Variants in MCC observed in about 807,000 individuals in gnomAD.
The protein encoded by MCC is colorectal mutant cancer protein.
Under a neutral mutation model 116.2 loss-of-function variants are expected in MCC, and 90 were observed. The ratio of observed to expected loss-of-function variants is 0.77; its 90% confidence interval spans 0.65 to 0.92. The LOEUF (loss-of-function observed/expected upper bound fraction) is 0.92. MCC is among the 40% of genes least tolerant of loss of function. The pLI is 0.00. For synonymous variants in MCC, 578 were observed against 510.5 expected (o/e 1.13, Z -1.78); for missense variants, 1,516 against 1,312.2 (o/e 1.16, Z -2.40).
At chr5:113,443,943 C>T (rs1771126210) in intron 1 of MCC, among the ~76,000 whole-genome samples, 1 of 151,952 alleles carries the variant, frequency 6.6e-6, no homozygotes, top group Non-Finnish European at 1.5e-5. Flanking sequence ...AAGCTTCAGC[C>T]TCCCAAGTAG....
chr5:113,252,849 G>C (rs1764853308), intron 3 of MCC, among the ~76,000 whole-genome samples: 1 of 152,118 alleles, frequency 6.6e-6, no homozygotes, highest in Non-Finnish European at 1.5e-5. Context: ...CAACCAAAAT[G>C]ATTTTTCTTA....
chr5:113,365,701 C>T (rs959667647), intron 2 of MCC, among the ~76,000 whole-genome samples: 75 of 152,310 alleles, frequency 4.9e-4, no homozygotes, highest in African/African-American at 1.5e-3. Context: ...TTAACTGGCT[C>T]ATGGTTCCAC....
chr5:113,078,777 C>T (rs900377986), intron 11 of MCC, among the ~76,000 whole-genome samples: 12 of 152,204 alleles, frequency 7.9e-5, no homozygotes, highest in Non-Finnish European at 1.5e-4. Flanking sequence ...CTCACCACTC[C>T]TATTCAACAC....
intron 5 of MCC, among the ~76,000 whole-genome samples, chr5:113,128,514 C>T (rs1280453081): frequency 2.0e-5 from 3 of 152,314 alleles, no homozygotes; most frequent in Admixed American, 6.5e-5. Context: ...ATAAAGTCCT[C>T]GTTCTTTCTT....
intron 6 of MCC, among the ~76,000 whole-genome samples, chr5:113,119,264 A>C (rs1298423722): frequency 6.6e-6 from 1 of 152,246 alleles, no homozygotes; most frequent in Non-Finnish European, 1.5e-5. Flanking sequence ...ATGAGCACAA[A>C]CACAATCCAT....
chr5:113,274,478 G>A (rs1765745061), intron 3 of MCC, among the ~76,000 whole-genome samples: 1 of 152,162 alleles, frequency 6.6e-6, no homozygotes, highest in South Asian at 2.1e-4. Flanking sequence ...TCCTGCCACA[G>A]CCTCCCGAGT....
intron 1 of MCC, among the ~76,000 whole-genome samples, chr5:113,477,138 C>T (rs1772253669): frequency 6.6e-6 from 1 of 152,138 alleles, no homozygotes; most frequent in African/African-American, 2.4e-5. Flanking sequence ...AGACTAAGTG[C>T]TTACTTGGCA....
At chr5:113,381,121 G>C (rs975949153) in intron 2 of MCC, among the ~76,000 whole-genome samples, 1 of 152,214 alleles carries the variant, frequency 6.6e-6, no homozygotes, top group African/African-American at 2.4e-5. Context: ...TAGTAGGCAA[G>C]GCAAGATATG....
At chr5:113,374,223 T>G (rs571682463) in intron 2 of MCC, among the ~76,000 whole-genome samples, 5 of 152,006 alleles carry the variant, frequency 3.3e-5, no homozygotes, top group Admixed American at 2.6e-4. Flanking sequence ...TTTTGTTTTT[T>G]TTTTTAATAG....
chr5:113,431,964 C>T (rs905431747), intron 1 of MCC, among the ~76,000 whole-genome samples: 5 of 152,068 alleles, frequency 3.3e-5, no homozygotes, highest in East Asian at 3.9e-4. Context: ...GGTGAAACAA[C>T]GTCTCTACTA....
Position 113,434,634 on chromosome 5 carries a change from T to C in MCC, c.171-49422A>G. On this transcript the variant is annotated intron_variant, in intron 1 of 18. Coordinates refer to ENST00000408903, the MANE Select transcript of MCC (RefSeq NM_001085377.2). This position sits in a 1 kb window ranked among gnomAD's most constrained non-coding sequence, Gnocchi z 4.2. The stretch of plus-strand genomic sequence containing the variant: ...CTCGTAGGTCTTAATGATGGAGCAG[T>C]GGTTTAACATGGCCAGAATCTCAAT... 6.8e-6 allele frequency: 11 copies of C among 1,613,922 alleles called. No individual in the cohort carries two copies. Among genetic ancestry groups the C allele is most frequent in the Non-Finnish European group, 9.3e-6 (11 of 1,179,866 alleles).
intron 2 of MCC, among the ~76,000 whole-genome samples, chr5:113,372,352 C>G (rs1195169066): frequency 6.6e-6 from 1 of 152,210 alleles, no homozygotes; most frequent in Non-Finnish European, 1.5e-5. Flanking sequence ...GTTTGTACTA[C>G]TTGAGACATC....
intron 13 of MCC, among the ~76,000 whole-genome samples, chr5:113,067,342 A>C (rs1296784915): frequency 6.6e-6 from 1 of 152,156 alleles, no homozygotes; most frequent in Non-Finnish European, 1.5e-5. Context: ...GGCAGGGGAA[A>C]CCCATGTTTC....
chr5:113,075,467 G>T (rs1005145527), intron 11 of MCC, among the ~76,000 whole-genome samples: 2 of 152,220 alleles, frequency 1.3e-5, no homozygotes, highest in Non-Finnish European at 2.9e-5. Flanking sequence ...CGGTCCCAGC[G>T]CAGGATCCAC....
chr5:113,224,353 A>G lies in MCC; in HGVS notation c.628-72931T>C, dbSNP rs554716725. The stretch of plus-strand genomic sequence containing the variant: ...AGTGATCAGCCCGTCTCGGCCTCCC[A>G]AAGTGCTAGGATTACAGGCGTGAGC... On this transcript the variant is annotated intron_variant, in intron 3 of 18. Coordinates refer to ENST00000408903, the MANE Select transcript of MCC (RefSeq NM_001085377.2). 5.9e-5 allele frequency among the ~76,000 whole-genome samples: 9 copies of G among 152,340 alleles called. No individual in the cohort carries two copies. In the East Asian group the frequency reaches 1.7e-3, roughly 29 times the overall value.
intron 3 of MCC, among the ~76,000 whole-genome samples, chr5:113,155,823 T>C (rs2150294024): frequency 6.6e-6 from 1 of 152,354 alleles, no homozygotes; most frequent in Non-Finnish European, 1.5e-5. Context: ...AGGAGTCAGA[T>C]GCTGATTTTT....
At chr5:113,178,523 T>A (rs535964959) in intron 3 of MCC, among the ~76,000 whole-genome samples, 1 of 152,176 alleles carries the variant, frequency 6.6e-6, no homozygotes, top group Non-Finnish European at 1.5e-5. Flanking sequence ...CCCAACCCAC[T>A]CTGCCTATGA....
chr5:113,149,169 G>C (rs955342913), intron 4 of MCC, among the ~76,000 whole-genome samples: 4 of 151,442 alleles, frequency 2.6e-5, no homozygotes, highest in Non-Finnish European at 5.9e-5. Flanking sequence ...CTTTGGGTGG[G>C]TATAAATTAG....
intron 1 of MCC, among the ~76,000 whole-genome samples, chr5:113,452,898 T>TA (rs1223436638): frequency 1.3e-5 from 2 of 152,194 alleles, no homozygotes; most frequent in African/African-American, 4.8e-5. Flanking sequence ...AGGAAGAGAT[T>TA]AACTTAGGCT....
Sources: allele counts gnomAD v4.1 joint callset (sites outside exome capture counted in the v4.1 genomes callset), GRCh38; gene constraint gnomAD v4.1.1; non-coding constraint Gnocchi (gnomAD v3.1); transcripts MANE v1.5; gene names NCBI Gene and HGNC (gene_info 2026-07-23, HGNC 2026-07-21).